The following EPHA2 variants were observed in gnomAD, a reference collection of about 807,000 sequenced individuals.
EPHA2 encodes EPH receptor A2.
EPHA2 carries 54 observed loss-of-function variants against 104.9 expected under a neutral mutation model. The observed-to-expected ratio is 0.51, with a 90% confidence interval of 0.41 to 0.65. EPHA2 has a LOEUF of 0.65. Ranked by LOEUF, EPHA2 falls within the 30% of genes least tolerant of loss-of-function variation. The pLI is 0.00. For synonymous variants in EPHA2, 560 were observed against 559.1 expected, an observed-to-expected ratio of 1.00 and a Z score of -0.02; for missense variants, 1,117 against 1,369.5, an observed-to-expected ratio of 0.82 and a Z score of 2.91.
In EPHA2 at chr1:16,132,396, G is replaced by A. The variant is rs149080726; in HGVS notation, c.2097C>T (p.Ala699=). Residue 699 remains alanine, a synonymous_variant, in exon 12 of 17, where the codon GCC becomes GCT. Coordinates refer to ENST00000358432, the MANE Select transcript of EPHA2 (RefSeq NM_004431.5). ...MIITEYMENG[A]LDKFLREKDG... is the part of the protein sequence containing the mutation. ...TCCTTACCCGAAGGAACTTGTCCAG[G>A]GCCCCATTCTCCATGTACTCAGTGA... 1,660 of 1,614,132 alleles carry A rather than the reference G, an allele frequency of 1.0e-3. 6 individuals carry two copies. Among genetic ancestry groups the A allele is most frequent in the Non-Finnish European group, 5.9e-4 (696 of 1,180,028 alleles).
At chr1:16,140,355 G>T (rs1262070340) in intron 3 of EPHA2, among the ~76,000 whole-genome samples, 1 of 152,204 alleles carries the variant, frequency 6.6e-6, no homozygotes, top group African/African-American at 2.4e-5. Context: ...AGGAGGCCCG[G>T]GACCCGACTC....
At chr1:16,154,530 G>C (rs1178582025) in intron 1 of EPHA2, among the ~76,000 whole-genome samples, 3 of 151,910 alleles carry the variant, frequency 2.0e-5, no homozygotes, top group African/African-American at 4.8e-5. Flanking sequence ...GCGGCGGGTG[G>C]ATCACCTGAG....
chr1:16,149,161 G>T, intron 2 of EPHA2, 114 bp from the exon 3 acceptor site: 1 of 1,195,534 alleles, frequency 8.4e-7, no homozygotes, highest in Non-Finnish European at 1.2e-6. Context: ...CGGGTTCTAC[G>T]GTGAAGGAAA....
chr1:16,138,689 G>A (rs2024767192), intron 3 of EPHA2, among the ~76,000 whole-genome samples: 1 of 152,216 alleles, frequency 6.6e-6, no homozygotes, highest in African/African-American at 2.4e-5. Context: ...CCTGCAAGAA[G>A]CACCACGCCC....
chr1:16,145,982 C>G (rs1280568546), intron 3 of EPHA2, among the ~76,000 whole-genome samples: 1 of 152,218 alleles, frequency 6.6e-6, no homozygotes, highest in Non-Finnish European at 1.5e-5. Context: ...TCTGATAAAG[C>G]GCTTGCTTGG....
chr1:16,138,580 T>C lies in EPHA2; in HGVS notation c.824-150A>G, dbSNP rs566407263. ...CTGTTTTCTCATCGGCAAAATGTCT[T>C]GTGATGGAAAAATGCATGGCAAGGG... is the stretch of plus-strand genomic sequence containing the variant. On this transcript the variant is annotated intron_variant, in intron 3 of 16. Transcript: ENST00000358432. The C allele has an allele frequency of 9.4e-5, 115 of 1,221,254 alleles. 1 individual carries two copies. In the East Asian group the frequency reaches 2.8e-3, roughly 30 times the overall value. 75.7% of individuals were successfully genotyped at this position (1,221,254 alleles called of 1,614,324 possible). A position where few individuals can be genotyped will look rare whatever the true frequency, so the allele number is the denominator to read the frequency against.
At position 16,133,032 on chromosome 1, in the gene EPHA2, T is replaced by C. The variant is rs142435758; in HGVS notation, c.2053+148A>G. ...GGTGTTAGGAGGTGGGTACAGGTAT[T>C]GGGGAGAAGTGGGCACAGTTGTAGA... On this transcript the variant is annotated intron_variant, in intron 11 of 16. Coordinates refer to ENST00000358432, the MANE Select transcript of EPHA2 (RefSeq NM_004431.5). 7.4e-4 allele frequency: 783 copies of C among 1,064,826 alleles called. 4 individuals are homozygous for C. The highest frequency in any genetic ancestry group is 6.9e-3 in the African/African-American group (363 of 52,890). 66.0% of individuals were successfully genotyped at this position (1,064,826 alleles called of 1,614,324 possible). A position where few individuals can be genotyped will look rare whatever the true frequency, so the allele number is the denominator to read the frequency against.
chr1:16,145,511 C>T (rs80136169), intron 3 of EPHA2, among the ~76,000 whole-genome samples: 4,169 of 152,238 alleles, frequency 0.027, 189 homozygotes, highest in African/African-American at 0.093. Context: ...TGCCCCGCCT[C>T]GCTCTGGGTC....
intron 9 of EPHA2, 64 bp from the exon 10 acceptor site, chr1:16,133,670 G>T: frequency 6.2e-7 from 1 of 1,606,740 alleles, no homozygotes. Context: ...GTGCTCTGGA[G>T]TCAGAGGAGA....
Position 16,130,736 on chromosome 1 carries a change from C to T in EPHA2, c.2476-317G>A, listed in dbSNP as rs1422584135. ...CCTCAACCTCCTGTGCTCAGGTGAT[C>T]CTCCCACCTCCGCCTCCTGAGTAGC... On this transcript the variant is annotated intron_variant, in intron 14 of 16. Coordinates refer to ENST00000358432, the MANE Select transcript of EPHA2 (RefSeq NM_004431.5). This position sits in a 1 kb window ranked among gnomAD's most constrained non-coding sequence, Gnocchi z 4.5. Among the ~76,000 whole-genome samples, 1 of 151,860 alleles carries T rather than the reference C, an allele frequency of 6.6e-6. No homozygotes were observed. Among genetic ancestry groups the T allele is most frequent in the Admixed American group, 6.6e-5 (1 of 15,230 alleles).
In EPHA2 at chr1:16,150,566, A is replaced by T. The variant is rs1183012513; in HGVS notation, c.153+330T>A. Among the ~76,000 whole-genome samples the T allele has an allele frequency of 6.6e-6, 1 of 152,166 alleles. No homozygotes were observed. Among genetic ancestry groups the T allele is most frequent in the Non-Finnish European group, 1.5e-5 (1 of 68,024 alleles). On this transcript the variant is annotated intron_variant, in intron 2 of 16. Transcript: ENST00000358432. This position sits in a 1 kb window ranked among gnomAD's most constrained non-coding sequence, Gnocchi z 4.8. Reference sequence around the variant, plus strand: ...CATCTTTAACCCCTTCCCTCCCAAGAGGTGGATGGGTGGTGCCAGAGATCC... The same window carrying T: ...CATCTTTAACCCCTTCCCTCCCAAGTGGTGGATGGGTGGTGCCAGAGATCC...
In EPHA2 at chr1:16,155,901, G is replaced by A; in HGVS notation, c.32C>T (p.Ala11Val). The change falls in exon 1 of 17, where the codon GCC becomes GTC. Residue 11 changes from alanine to valine, a missense_variant. By Grantham distance (64) the Ala-to-Val change is moderately conservative (BLOSUM62 0). Transcript: ENST00000358432. ...GGCCAGCGCACAGCCCCACAGCAGG[G>A]CGAAGCAGGCGCGGGCTGCCTGGAG... MELQAARACF[A>V]LLWGCALAAA... The A allele has an allele frequency of 1.3e-6, 2 of 1,488,470 alleles. No homozygotes were observed. The highest frequency in any genetic ancestry group is 1.8e-6 in the Non-Finnish European group (2 of 1,126,902). 92.2% of individuals were successfully genotyped at this position (1,488,470 alleles called of 1,614,324 possible).
chr1:16,154,367 A>C (rs2025107103), intron 1 of EPHA2, among the ~76,000 whole-genome samples: 1 of 152,068 alleles, frequency 6.6e-6, no homozygotes, highest in South Asian at 2.1e-4. Context: ...TGCCACCCCC[A>C]ACACCTGCCA....
intron 15 of EPHA2, 29 bp from the exon 16 acceptor site, chr1:16,129,618 G>T: frequency 6.3e-7 from 1 of 1,596,662 alleles, no homozygotes. Context: ...CAGGTGAGGG[G>T]CTGCAGCACC....
At position 16,148,468 on chromosome 1, in the gene EPHA2, TACGGGGCTCTTCACCCCCCGGTGGCACC is replaced by T; in HGVS notation, c.705_732del (p.Val236CysfsTer148). ...CACTCGCCATCCACTGCACAGTGCA[TACGGGGCTCTTCACCCCCCGGTGGCACC>T]ACGGCATGGTCCACACAGGTGCCGG... On this transcript the variant is annotated frameshift_variant, in exon 3 of 17. Transcript: ENST00000358432. LOFTEE classifies it high-confidence loss of function. The surrounding 1 kb of genome is among the most constrained non-coding windows in gnomAD (Gnocchi z 4.9). 1 of 1,613,866 alleles carries T rather than the reference TACGGGGCTCTTCACCCCCCGGTGGCACC, an allele frequency of 6.2e-7. No homozygotes were observed. Among genetic ancestry groups the T allele is most frequent in the Non-Finnish European group, 8.5e-7 (1 of 1,180,034 alleles).
chr1:16,155,730 A>G, intron 1 of EPHA2, 118 bp downstream of exon 1: 5 of 811,574 alleles, frequency 6.2e-6, no homozygotes, highest in Non-Finnish European at 6.9e-6. Flanking sequence ...TCCGGACTCC[A>G]GTTCGCCGGG....
chr1:16,145,342 G>GAACTAAGTCGGAAATTTCGCTCTT (rs2024913058), intron 3 of EPHA2, among the ~76,000 whole-genome samples: 1 of 152,232 alleles, frequency 6.6e-6, no homozygotes, highest in Non-Finnish European at 1.5e-5. Context: ...GGAGCGCTCC[G>GAACTAAGTCGGAAATTTCGCTCTT]GGCAGCGTGC....
At chr1:16,152,501 C>T (rs1219299959) in intron 1 of EPHA2, among the ~76,000 whole-genome samples, 19 of 126,426 alleles carry the variant, frequency 1.5e-4, no homozygotes, top group African/African-American at 5.5e-4. Context: ...GGGAGGGTGG[C>T]TGGGGGCAGC....
intron 5 of EPHA2, among the ~76,000 whole-genome samples, chr1:16,137,089 C>T (rs569844267): frequency 7.9e-5 from 12 of 152,050 alleles, no homozygotes; most frequent in African/African-American, 2.2e-4. Context: ...CATGAGCCAC[C>T]GCGCCCAGTC....
Sources: allele counts gnomAD v4.1 joint callset (sites outside exome capture counted in the v4.1 genomes callset), GRCh38; gene constraint gnomAD v4.1.1; non-coding constraint Gnocchi (gnomAD v3.1); transcripts MANE v1.5; gene names NCBI Gene and HGNC (gene_info 2026-07-23, HGNC 2026-07-21).